The following CYP3A7 variants were observed in gnomAD, a reference collection of about 807,000 sequenced individuals.
The protein encoded by CYP3A7 is cytochrome P450 3A7.
CYP3A7 carries 45 observed loss-of-function variants against 55.2 expected under a neutral mutation model. The ratio of observed to expected loss-of-function variants is 0.82; its 90% confidence interval spans 0.64 to 1.05. The LOEUF (loss-of-function observed/expected upper bound fraction) is 1.05. Ranked by LOEUF, CYP3A7 falls within the 50% of genes least tolerant of loss-of-function variation. The pLI is 0.00. For synonymous variants in CYP3A7, 180 were observed against 207.4 expected, an observed-to-expected ratio of 0.87 and a Z score of 1.13; for missense variants, 548 against 605.3, an observed-to-expected ratio of 0.91 and a Z score of 0.99.
intron 7 of CYP3A7, chr7:99,715,504 G>A (rs1397431712): frequency 1.9e-6 from 1 of 518,086 alleles, no homozygotes; most frequent in African/African-American, 1.9e-5. Flanking sequence ...ATCTATAGAT[G>A]CAGAAAGTTG....
chr7:99,707,857 G>A lies in CYP3A7; in HGVS notation c.1371C>T (p.Val457=), dbSNP rs1179061119. ...FALVNMKLAL[V]RVLQNFSFKP... Reference sequence around the variant, plus strand: ...TGAAGGAGAAGTTCTGAAGGACTCTGACTAGAGCAAGTTTCATGTTCACGA... The same window carrying A: ...TGAAGGAGAAGTTCTGAAGGACTCTAACTAGAGCAAGTTTCATGTTCACGA... Residue 457 remains valine, a synonymous_variant, in exon 12 of 13, where the codon GTC becomes GTT. Transcript: ENST00000336374. The A allele has an allele frequency of 6.2e-7, 1 of 1,613,984 alleles. No individual in the cohort carries two copies.
intron 6 of CYP3A7, 31 bp downstream of exon 6, chr7:99,717,146 C>T: frequency 6.2e-7 from 1 of 1,613,356 alleles, no homozygotes. Context: ...CTCATGACAG[C>T]TCAGAACCCC....
chr7:99,708,907 T>A, intron 11 of CYP3A7, 128 bp downstream of exon 11: 1 of 1,131,450 alleles, frequency 8.8e-7, no homozygotes, highest in East Asian at 2.4e-5. Flanking sequence ...ATTTCATGAT[T>A]TGAAAAAACC....
At chr7:99,710,114 A>G (rs1232687264) in intron 10 of CYP3A7, among the ~76,000 whole-genome samples, 3 of 152,240 alleles carry the variant, frequency 2.0e-5, no homozygotes. Flanking sequence ...CACAAAGACC[A>G]GCCCAAAAGC....
chr7:99,710,714 C>T lies in CYP3A7; in HGVS notation c.1026+18G>A, dbSNP rs1350942002. The T allele has an allele frequency of 1.2e-6, 2 of 1,613,758 alleles. No individual in the cohort carries two copies. The highest frequency in any genetic ancestry group is 1.1e-5 in the South Asian group (1 of 91,082). ...AGGCTTCACCTCCTCCCTCCTTCTC[C>T]ATGTACTGTCCACTCACCTTATTGG... is the stretch of plus-strand genomic sequence containing the variant. On this transcript the variant is annotated intron_variant, in intron 10 of 12. Transcript: ENST00000336374.
At chr7:99,706,783 A>G (rs1447551900) in intron 12 of CYP3A7, among the ~76,000 whole-genome samples, 1 of 152,248 alleles carries the variant, frequency 6.6e-6, no homozygotes, top group Non-Finnish European at 1.5e-5. Flanking sequence ...TAATATTTGT[A>G]TGCAAACCAA....
rs1389404769 is a variant in CYP3A7, at chr7:99,715,825, G to C, written c.603C>G (p.Asp201Glu). ...VSIDSLNNPQDPFVENTKKLL... is the reference protein window; with the variant it reads ...VSIDSLNNPQEPFVENTKKLL... Reference sequence around the variant, plus strand: ...GCTTCTTGGTGTTTTCCACAAAGGGGTCTTGTGGATTGTTGAGAGAGTCGA... The same window carrying C: ...GCTTCTTGGTGTTTTCCACAAAGGGCTCTTGTGGATTGTTGAGAGAGTCGA... The change falls in exon 7 of 13, where the codon GAC (aspartate) becomes GAG (glutamate). Residue 201 changes from aspartate to glutamate, a missense_variant. Physicochemically the swap from Asp to Glu is conservative, Grantham distance 45. Transcript: ENST00000336374. 3.7e-6 allele frequency: 6 copies of C among 1,613,800 alleles called. No homozygotes were observed. The South Asian group carries it at 6.6e-5, about 18-fold the overall frequency.
At chr7:99,714,908 C>G (rs895602558) in intron 7 of CYP3A7, among the ~76,000 whole-genome samples, 1 of 152,170 alleles carries the variant, frequency 6.6e-6, no homozygotes, top group Non-Finnish European at 1.5e-5. Flanking sequence ...GCAGCCCCTT[C>G]TGCATCTTTT....
intron 2 of CYP3A7, among the ~76,000 whole-genome samples, chr7:99,726,967 G>T (rs1443183532): frequency 6.6e-6 from 1 of 152,110 alleles, no homozygotes. Flanking sequence ...TCCTTCCTGG[G>T]CATGGTTGGA....
intron 8 of CYP3A7, 21 bp downstream of exon 8, chr7:99,714,534 A>G (rs200822496): frequency 4.0e-5 from 65 of 1,611,572 alleles, no homozygotes; most frequent in Admixed American, 1.0e-4. Context: ...ACATCCTCCT[A>G]TAACTACCAC....
chr7:99,726,128 G>C (rs745955241), intron 2 of CYP3A7, among the ~76,000 whole-genome samples: 5 of 152,110 alleles, frequency 3.3e-5, no homozygotes, highest in Middle Eastern at 3.4e-3. Flanking sequence ...CCTCCTTCGT[G>C]TCTTCCTCTT....
intron 4 of CYP3A7, among the ~76,000 whole-genome samples, chr7:99,717,961 C>G (rs1161363886): frequency 6.6e-6 from 1 of 152,042 alleles, no homozygotes; most frequent in Non-Finnish European, 1.5e-5. Context: ...AGGCAGGTGG[C>G]TTTGTTGGAC....
chr7:99,727,560 A>G (rs1293501656), intron 2 of CYP3A7, among the ~76,000 whole-genome samples: 1 of 152,170 alleles, frequency 6.6e-6, no homozygotes, highest in East Asian at 1.9e-4. Flanking sequence ...GATCCATCTG[A>G]CATTCACTCT....
chr7:99,715,720 A>G, intron 7 of CYP3A7, 38 bp downstream of exon 7: 1 of 1,613,298 alleles, frequency 6.2e-7, no homozygotes, highest in Non-Finnish European at 8.5e-7. Flanking sequence ...GTTATTTTTA[A>G]GAGAGAGGGA....
chr7:99,722,703 A>G (rs1241476780), intron 2 of CYP3A7, among the ~76,000 whole-genome samples: 1 of 152,198 alleles, frequency 6.6e-6, no homozygotes, highest in Non-Finnish European at 1.5e-5. Context: ...GGAGAAACTG[A>G]GGCTGAGGGA....
At chr7:99,732,017 A>G (rs1814647536) in intron 1 of CYP3A7, among the ~76,000 whole-genome samples, 1 of 152,180 alleles carries the variant, frequency 6.6e-6, no homozygotes, top group South Asian at 2.1e-4. Flanking sequence ...TGCCAGTGAT[A>G]TGATCTGAAT....
chr7:99,724,362 G>A (rs1814326155), intron 2 of CYP3A7, among the ~76,000 whole-genome samples: 1 of 152,086 alleles, frequency 6.6e-6, no homozygotes, highest in Admixed American at 6.5e-5. Context: ...GATGATTTTT[G>A]TTGAAAAATG....
chr7:99,731,703 A>G (rs1448734488), intron 1 of CYP3A7, among the ~76,000 whole-genome samples: 1 of 152,168 alleles, frequency 6.6e-6, no homozygotes, highest in African/African-American at 2.4e-5. Context: ...ACCCTGTTTT[A>G]GGATCTGGCC....
intron 4 of CYP3A7, among the ~76,000 whole-genome samples, chr7:99,720,003 A>T (rs1814128270): frequency 6.6e-6 from 1 of 151,642 alleles, no homozygotes; most frequent in Non-Finnish European, 1.5e-5. Flanking sequence ...TCCGAAAAAC[A>T]AACAACAAAC....
Sources: allele counts gnomAD v4.1 joint callset (sites outside exome capture counted in the v4.1 genomes callset), GRCh38; gene constraint gnomAD v4.1.1; transcripts MANE v1.5; gene names NCBI Gene and HGNC (gene_info 2026-07-23, HGNC 2026-07-21).